The following MREG variants were observed in gnomAD, a reference collection of about 807,000 sequenced individuals.
MREG encodes the protein dilute suppressor protein homolog.
MREG carries 31 observed loss-of-function variants against 28.5 expected under a neutral mutation model. The ratio of observed to expected loss-of-function variants is 1.09; its 90% CI spans 0.82 to 1.47. The LOEUF (loss-of-function observed/expected upper bound fraction) is 1.47. Among genes scored for constraint, MREG ranks in the 40% most tolerant of loss-of-function variants. The probability of loss-of-function intolerance (pLI) is 0.00; values close to 1 mark genes in which losing one functional copy is unlikely to be tolerated. For synonymous variants in MREG, 106 were observed against 95.2 expected (o/e 1.11, Z -0.66); for missense variants, 256 against 257.4 (o/e 0.99, Z 0.04).
At chr2:216,017,893 G>A (rs1191179524), upstream of MREG, among the ~76,000 whole-genome samples, 2 of 151,870 alleles carry the variant, frequency 1.3e-5, no homozygotes, top group African/African-American at 4.8e-5. Flanking sequence ...GCTCATGCCT[G>A]TAATCCTAGC....
intron 1 of MREG, among the ~76,000 whole-genome samples, chr2:216,031,040 TCTG>T (rs1694680642): frequency 6.6e-6 from 1 of 151,504 alleles, no homozygotes; most frequent in South Asian, 2.1e-4. Flanking sequence ...CATCAAAACA[TCTG>T]CTCTGTATCT....
chr2:216,004,556 A>C (rs112636727), intron 1 of MREG, among the ~76,000 whole-genome samples: 1,208 of 103,542 alleles, frequency 0.012, 15 homozygotes, highest in African/African-American at 0.049. Context: ...AAAAAACAAA[A>C]AAACAAACAA....
At chr2:215,988,318 G>A (rs1186127166) in intron 2 of MREG, among the ~76,000 whole-genome samples, 7 of 152,156 alleles carry the variant, frequency 4.6e-5, no homozygotes, top group Non-Finnish European at 4.4e-5. Context: ...CTTAGCCAAG[G>A]GAAGCTGTGA....
chr2:215,956,082 A>C (rs1362752323), intron 2 of MREG, among the ~76,000 whole-genome samples: 2 of 152,246 alleles, frequency 1.3e-5, no homozygotes, highest in Non-Finnish European at 2.9e-5. Flanking sequence ...GTGAGGTACA[A>C]TATAAAGGCC....
chr2:216,006,214 GT>G (rs1307215890), intron 1 of MREG, among the ~76,000 whole-genome samples: 2 of 152,226 alleles, frequency 1.3e-5, no homozygotes, highest in Non-Finnish European at 2.9e-5. Context: ...ACTAATGCAA[GT>G]CACAAAAAGA....
At chr2:215,941,205 G>A (rs114249443), downstream of MREG, among the ~76,000 whole-genome samples, 338 of 152,276 alleles carry the variant, frequency 2.2e-3, no homozygotes, top group African/African-American at 7.8e-3. Context: ...AAGGAATGGC[G>A]GTTCTGTCAA....
At chr2:216,000,113 T>C (rs1286656886) in intron 1 of MREG, among the ~76,000 whole-genome samples, 1 of 152,228 alleles carries the variant, frequency 6.6e-6, no homozygotes, top group African/African-American at 2.4e-5. Context: ...ATTCAGGGCT[T>C]GAGCCAAGGG....
At chr2:215,987,898 C>T (rs1020942638) in intron 2 of MREG, among the ~76,000 whole-genome samples, 5 of 150,790 alleles carry the variant, frequency 3.3e-5, no homozygotes, top group African/African-American at 7.3e-5. Flanking sequence ...AGTGAAACTC[C>T]GTCTCAAAAT....
intron 1 of MREG, among the ~76,000 whole-genome samples, chr2:216,030,749 GAGA>G (rs1694668652): frequency 1.4e-5 from 2 of 146,632 alleles, no homozygotes; most frequent in South Asian, 4.3e-4. Flanking sequence ...TTTTAGTAGA[GAGA>G]AGGTTTCACC....
intron 2 of MREG, among the ~76,000 whole-genome samples, chr2:215,992,586 A>G (rs1479222041): frequency 6.6e-6 from 1 of 152,218 alleles, no homozygotes; most frequent in Non-Finnish European, 1.5e-5. Context: ...AAGAGAAAGG[A>G]ATAAAGGTAT....
At chr2:216,031,013 T>G (rs12467676) in intron 1 of MREG, among the ~76,000 whole-genome samples, 95,327 of 149,760 alleles carry the variant, frequency 0.64, 30,610 homozygotes, top group Admixed American at 0.69. Flanking sequence ...CTGCTCTCTC[T>G]CTCTCATTTG....
intron 1 of MREG, among the ~76,000 whole-genome samples, chr2:216,007,945 T>C (rs1407397690): frequency 6.6e-6 from 1 of 152,138 alleles, no homozygotes; most frequent in Non-Finnish European, 1.5e-5. Flanking sequence ...ATAAAAAAAG[T>C]TATGCATTGA....
chr2:215,945,483 G>A, intron 4 of MREG, 88 bp downstream of exon 4: 2 of 1,455,876 alleles, frequency 1.4e-6, no homozygotes, highest in Non-Finnish European at 1.9e-6. Flanking sequence ...AGTGATGGTG[G>A]TGTTGGAATA....
At chr2:215,951,210 C>T (rs1692475145) in intron 2 of MREG, among the ~76,000 whole-genome samples, 1 of 152,148 alleles carries the variant, frequency 6.6e-6, no homozygotes, top group South Asian at 2.1e-4. Context: ...TGAGAACAAG[C>T]TAATACAGAT....
At chr2:215,991,451 A>T (rs914441234) in intron 2 of MREG, among the ~76,000 whole-genome samples, 2 of 152,174 alleles carry the variant, frequency 1.3e-5, no homozygotes, top group Non-Finnish European at 2.9e-5. Flanking sequence ...AAAGACCTAA[A>T]ATTGACACCC....
intron 2 of MREG, among the ~76,000 whole-genome samples, chr2:215,966,275 C>T (rs931686216): frequency 5.3e-5 from 8 of 152,060 alleles, no homozygotes; most frequent in Admixed American, 6.5e-5. Context: ...TCATGATCCG[C>T]GTGGATCTGA....
chr2:216,009,583 A>C (rs1281957538), intron 1 of MREG, among the ~76,000 whole-genome samples: 2 of 152,152 alleles, frequency 1.3e-5, no homozygotes, highest in Non-Finnish European at 2.9e-5. Context: ...CTTAAAGGTG[A>C]CTGCAGCTGT....
intron 2 of MREG, among the ~76,000 whole-genome samples, chr2:215,989,768 A>C (rs1308195450): frequency 6.6e-6 from 1 of 151,948 alleles, no homozygotes; most frequent in South Asian, 2.1e-4. Flanking sequence ...TCAATAGCCA[A>C]ATCGATCAAG....
intron 1 of MREG, among the ~76,000 whole-genome samples, chr2:216,012,002 GTGTGTA>G (rs750242910): frequency 3.5e-4 from 54 of 152,140 alleles, no homozygotes; most frequent in Non-Finnish European, 5.4e-4. Context: ...ACTGTATATT[GTGTGTA>G]TGACTTTATA....
Sources: allele counts gnomAD v4.1 joint callset (sites outside exome capture counted in the v4.1 genomes callset), GRCh38; gene constraint gnomAD v4.1.1; transcripts MANE v1.5; gene names NCBI Gene and HGNC (gene_info 2026-07-23, HGNC 2026-07-21).